The following PTPRT variants were observed in gnomAD, a reference collection of about 807,000 sequenced individuals.
PTPRT encodes the protein receptor-type tyrosine-protein phosphatase T.
A neutral mutation model predicts 176.8 loss-of-function variants in PTPRT; 56 were observed. That is an observed-to-expected ratio of 0.32 (90% CI 0.26 to 0.40). The LOEUF (loss-of-function observed/expected upper bound fraction) is 0.40, where lower values mean the gene tolerates loss of function less well. PTPRT is among the 10% of genes least tolerant of loss of function. PTPRT has a pLI of 1.00. For missense variants in PTPRT, 1,540 were observed against 1,908.2 expected (o/e 0.81, Z 3.60); for synonymous variants, 783 against 739.0 (o/e 1.06, Z -0.96).
intron 1 of PTPRT, among the ~76,000 whole-genome samples, chr20:42,918,644 T>C (rs1382723626): frequency 3.3e-5 from 5 of 152,134 alleles, no homozygotes; most frequent in African/African-American, 1.2e-4. Flanking sequence ...AATCTTTCCT[T>C]ACTACTGTAC....
chr20:43,140,558 G>GT, intron 1 of PTPRT, among the ~76,000 whole-genome samples: 1 of 151,722 alleles, frequency 6.6e-6, no homozygotes, highest in South Asian at 2.1e-4. Flanking sequence ...GTGGTTTTGG[G>GT]TTTTTTTAAT....
intron 1 of PTPRT, among the ~76,000 whole-genome samples, chr20:42,958,817 T>C (rs888796906): frequency 9.2e-5 from 14 of 152,308 alleles, no homozygotes; most frequent in African/African-American, 3.1e-4. Flanking sequence ...TGTTAACTTA[T>C]GAACCTCCTC....
rs577455405 is a variant in PTPRT, at chr20:42,700,070, A to C, written c.860-21911T>G. Among the ~76,000 whole-genome samples, 6 of 152,188 alleles carry C rather than the reference A, an allele frequency of 3.9e-5. 2 individuals are homozygous for C. The highest frequency in any genetic ancestry group is 3.3e-4 in the Admixed American group (5 of 15,272). ...TTCTCTACCAGCTTGGCCACTGGGC[A>C]GTGAATCCAGGAAAGCACTTAAGTC... On this transcript the variant is annotated intron_variant, in intron 6 of 30. Transcript: ENST00000373187.
At chr20:42,042,061 A>G in the PTPRT span, among the ~76,000 whole-genome samples, 3 of 152,146 alleles carry the variant, frequency 2.0e-5, no homozygotes, top group Non-Finnish European at 2.9e-5. Context: ...CCTGCCAAGC[A>G]CTGGTACTGC....
At chr20:42,929,479 T>C (rs1433518070) in intron 1 of PTPRT, among the ~76,000 whole-genome samples, 1 of 152,254 alleles carries the variant, frequency 6.6e-6, no homozygotes, top group Non-Finnish European at 1.5e-5. Context: ...ATTAATCATC[T>C]CTGTTCTTAT....
At chr20:42,224,239 G>A (rs1600698532) in intron 15 of PTPRT, among the ~76,000 whole-genome samples, 1 of 152,184 alleles carries the variant, frequency 6.6e-6, no homozygotes, top group Admixed American at 6.5e-5. Flanking sequence ...CATGGTGGAG[G>A]TGACTTTACT....
intron 16 of PTPRT, among the ~76,000 whole-genome samples, chr20:42,172,567 C>T (rs897895040): frequency 6.6e-6 from 1 of 152,202 alleles, no homozygotes; most frequent in African/African-American, 2.4e-5. Flanking sequence ...TACAGATTCA[C>T]ATGCAATCGT....
chr20:42,048,570 G>T, the PTPRT span, among the ~76,000 whole-genome samples: 1 of 152,116 alleles, frequency 6.6e-6, no homozygotes, highest in Non-Finnish European at 1.5e-5. Flanking sequence ...CTGCATGTAG[G>T]TGTTCCGGCC....
At chr20:42,155,520 C>T (rs1989312908) in intron 17 of PTPRT, among the ~76,000 whole-genome samples, 1 of 152,156 alleles carries the variant, frequency 6.6e-6, no homozygotes, top group Admixed American at 6.5e-5. Flanking sequence ...AACCCCTTTG[C>T]TCCCACTGCA....
intron 17 of PTPRT, 90 bp downstream of exon 17, chr20:42,161,262 C>T: frequency 6.8e-7 from 1 of 1,476,622 alleles, no homozygotes; most frequent in Non-Finnish European, 9.4e-7. Flanking sequence ...AGGCTGCTGG[C>T]CAGGGAGCCA....
At chr20:42,638,482 A>G (rs1267097608) in intron 7 of PTPRT, among the ~76,000 whole-genome samples, 2 of 152,116 alleles carry the variant, frequency 1.3e-5, no homozygotes, top group Non-Finnish European at 2.9e-5. Flanking sequence ...TATATGACTC[A>G]TATTATTCAA....
intron 9 of PTPRT, among the ~76,000 whole-genome samples, chr20:42,416,472 C>T (rs2059066953): frequency 6.6e-6 from 1 of 152,124 alleles, no homozygotes; most frequent in Non-Finnish European, 1.5e-5. Context: ...ATCATCAAAC[C>T]CCAGTATTTA....
intron 14 of PTPRT, among the ~76,000 whole-genome samples, chr20:42,247,777 G>C (rs2146910184): frequency 6.6e-6 from 1 of 152,296 alleles, no homozygotes; most frequent in African/African-American, 2.4e-5. Context: ...GAGAAGACGT[G>C]GAGGTGGGAA....
chr20:42,581,627 C>T (rs893091433), intron 7 of PTPRT, among the ~76,000 whole-genome samples: 11 of 151,668 alleles, frequency 7.3e-5, no homozygotes, highest in African/African-American at 2.4e-4. Flanking sequence ...AAGTCTTCCA[C>T]AGAAGGAGCT....
intron 9 of PTPRT, among the ~76,000 whole-genome samples, chr20:42,392,433 C>CA (rs11479173): frequency 0.074 from 10,830 of 147,028 alleles, 497 homozygotes; most frequent in African/African-American, 0.13. Flanking sequence ...TGGTATTTCT[C>CA]AAAAAAAAAA....
chr20:43,003,655 T>A (rs1156866888), intron 1 of PTPRT, among the ~76,000 whole-genome samples: 1 of 152,204 alleles, frequency 6.6e-6, no homozygotes, highest in African/African-American at 2.4e-5. Context: ...TTAAGAAGTA[T>A]CTCGCATTGT....
chr20:43,103,769 T>G (rs2012488527), intron 1 of PTPRT, among the ~76,000 whole-genome samples: 1 of 150,330 alleles, frequency 6.7e-6, no homozygotes, highest in Admixed American at 6.6e-5. Context: ...ATAATAATAA[T>G]AATAATAACT....
intron 1 of PTPRT, among the ~76,000 whole-genome samples, chr20:43,138,607 A>T (rs1370255415): frequency 2.0e-5 from 3 of 152,190 alleles, no homozygotes. Flanking sequence ...TAACACGGTA[A>T]TAGTTCAGCC....
intron 1 of PTPRT, among the ~76,000 whole-genome samples, chr20:43,100,431 G>A (rs1259360614): frequency 6.6e-6 from 1 of 152,070 alleles, no homozygotes. Context: ...TCACTGCACC[G>A]AGTCAGTATA....
Sources: allele counts gnomAD v4.1 joint callset (sites outside exome capture counted in the v4.1 genomes callset), GRCh38; gene constraint gnomAD v4.1.1; transcripts MANE v1.5; gene names NCBI Gene and HGNC (gene_info 2026-07-23, HGNC 2026-07-21).